JMY: variants seen among roughly 807,000 people sequenced by gnomAD.
JMY encodes junction-mediating and -regulatory protein.
In JMY, 46 loss-of-function variants were observed where a neutral mutation model predicts 103.3. That is an observed-to-expected ratio of 0.45 (90% confidence interval 0.35 to 0.57). JMY has a LOEUF of 0.57. Among genes scored for constraint, JMY ranks in the 20% least tolerant of loss-of-function variants. The probability of loss-of-function intolerance (pLI) is 0.00; values close to 1 mark genes in which losing one functional copy is unlikely to be tolerated. For missense variants in JMY, 1,238 were observed against 1,255.2 expected (o/e 0.99, Z 0.21); for synonymous variants, 526 against 489.3 (o/e 1.07, Z -0.99).
intron 1 of JMY, among the ~76,000 whole-genome samples, chr5:79,239,420 T>C (rs1168376857): frequency 1.3e-5 from 2 of 152,230 alleles, no homozygotes; most frequent in Non-Finnish European, 2.9e-5. Flanking sequence ...CTTTCTCTTA[T>C]TAGATTTACA....
In JMY at chr5:79,291,156, C is replaced by G. The variant is rs1339554015; in HGVS notation, c.1384C>G (p.Gln462Glu). The G allele has an allele frequency of 6.2e-7, 1 of 1,607,894 alleles. No homozygotes were observed. Among genetic ancestry groups the G allele is most frequent in the Non-Finnish European group, 8.5e-7 (1 of 1,178,244 alleles). ...KAVYDRMRAD[Q>E]KKFGKASWAA... ...TGTGTATGATCGAATGCGAGCTGAT[C>G]AGAAGAAATTTGGTAAAGCATCATG... is the stretch of plus-strand genomic sequence containing the variant. Residue 462 changes from glutamine to glutamate, a missense_variant, in exon 4 of 11, where the codon CAG becomes GAG. By Grantham distance (29) the Gln-to-Glu change is conservative (BLOSUM62 2). Transcript: ENST00000396137.
rs903653095 is a variant in JMY, at chr5:79,314,828, C to T, written c.2636C>T (p.Ala879Val). Residue 879 changes from alanine (A) to valine (V), a missense_variant, in exon 9 of 11, where the codon GCT becomes GTT. Transcript: ENST00000396137. ...VSARKKLRKT[A>V]EGLQRRRVSS... ...GCACGGAAGAAGCTCAGAAAGACTG[C>T]TGAAGGTTTGCAGAGGAGGAGAGGT... 1 of 1,582,400 alleles carries T rather than the reference C, an allele frequency of 6.3e-7. No individual in the cohort carries two copies. The highest frequency in any genetic ancestry group is 1.8e-5 in the Admixed American group (1 of 55,200).
chr5:79,250,939 C>T (rs532763482), intron 1 of JMY, among the ~76,000 whole-genome samples: 1 of 151,956 alleles, frequency 6.6e-6, no homozygotes, highest in South Asian at 2.1e-4. Context: ...TTAAATGTGC[C>T]TTTAGGGTAC....
chr5:79,307,010 T>C (rs2112112959), intron 7 of JMY, among the ~76,000 whole-genome samples: 1 of 152,356 alleles, frequency 6.6e-6, no homozygotes, highest in East Asian at 1.9e-4. Flanking sequence ...AATGATACAG[T>C]ATGTAACCTA....
Position 79,267,372 on chromosome 5 carries a change from G to A in JMY, c.1033-10538G>A, listed in dbSNP as rs571006471. Reference sequence around the variant, plus strand: ...CCCTGGGCCCCATCTGTTGATTGGAGTGCTCCATCTGTTCATTGGAGTGCT... The same window carrying A: ...CCCTGGGCCCCATCTGTTGATTGGAATGCTCCATCTGTTCATTGGAGTGCT... On this transcript the variant is annotated intron_variant, in intron 1 of 10. Transcript: ENST00000396137. Among the ~76,000 whole-genome samples, 4 of 152,040 alleles carry A rather than the reference G, an allele frequency of 2.6e-5. No individual in the cohort carries two copies. In the South Asian group the frequency reaches 6.2e-4, roughly 24 times the overall value.
At chr5:79,260,338 T>G (rs905291323) in intron 1 of JMY, among the ~76,000 whole-genome samples, 16 of 152,170 alleles carry the variant, frequency 1.1e-4, no homozygotes, top group Non-Finnish European at 1.3e-4. Context: ...CTGCCACCAC[T>G]GCCGCTCCCA....
At chr5:79,268,155 A>G (rs1258045049) in intron 1 of JMY, among the ~76,000 whole-genome samples, 3 of 152,156 alleles carry the variant, frequency 2.0e-5, no homozygotes, top group Non-Finnish European at 4.4e-5. Context: ...CGGTGGGAAA[A>G]TCACTTGAGC....
In JMY at chr5:79,291,235, CTT is replaced by C; in HGVS notation, c.1465_1466del (p.Leu489AlafsTer6). ...CTCCAGTATGCAGTTTCTAAGGAAA[CTT>C]TGCAGATGATGAGAGCTAAAGAGAT... On this transcript the variant is annotated frameshift_variant, in exon 4 of 11. Coordinates refer to ENST00000396137, the MANE Select transcript of JMY (RefSeq NM_152405.5). LOFTEE classifies it high-confidence loss of function. The C allele has an allele frequency of 6.2e-7, 1 of 1,613,180 alleles. No homozygotes were observed. The highest frequency in any genetic ancestry group is 2.2e-5 in the East Asian group (1 of 44,860).
intron 1 of JMY, among the ~76,000 whole-genome samples, chr5:79,249,348 A>G (rs906949198): frequency 6.6e-6 from 1 of 152,204 alleles, no homozygotes; most frequent in African/African-American, 2.4e-5. Flanking sequence ...GAGTAGCAGT[A>G]TTTACACTTG....
intron 1 of JMY, among the ~76,000 whole-genome samples, chr5:79,271,308 A>G (rs1561298355): frequency 1.3e-5 from 2 of 151,988 alleles, no homozygotes; most frequent in Non-Finnish European, 2.9e-5. Context: ...CTGGGGTTAC[A>G]GGTGCAATCC....
intron 4 of JMY, among the ~76,000 whole-genome samples, chr5:79,299,384 A>G (rs368110303): frequency 1.3e-5 from 2 of 152,266 alleles, no homozygotes; most frequent in East Asian, 1.9e-4. Context: ...AGCCATAGAA[A>G]TAGTAGGGTT....
Position 79,316,236 on chromosome 5 carries a change from A to G in JMY, c.2896A>G (p.Arg966Gly), listed in dbSNP as rs1452935350. 6.2e-7 allele frequency: 1 copy of G among 1,614,000 alleles called. No homozygotes were observed. Among genetic ancestry groups the G allele is most frequent in the Non-Finnish European group, 8.5e-7 (1 of 1,180,006 alleles). The change falls in exon 10 of 11, where the codon AGA becomes GGA. Residue 966 changes from arginine (R) to glycine (G), a missense_variant. Physicochemically the swap from Arg to Gly is moderately radical, Grantham distance 125. Transcript: ENST00000396137. ...LTRSIHEALR[R>G]IKEASPESED... Reference sequence around the variant, plus strand: ...ACGGAGCATCCATGAAGCTCTTAGAAGAATTAAAGAAGCATCCCCAGAGTC... The same window carrying G: ...ACGGAGCATCCATGAAGCTCTTAGAGGAATTAAAGAAGCATCCCCAGAGTC...
chr5:79,319,105 T>C (rs888684621), intron 10 of JMY, among the ~76,000 whole-genome samples: 27 of 152,308 alleles, frequency 1.8e-4, no homozygotes, highest in African/African-American at 6.5e-4. Context: ...TCCTTGTCTG[T>C]CTCCTCCCAT....
At chr5:79,318,007 A>G (rs1334182788) in intron 10 of JMY, among the ~76,000 whole-genome samples, 1 of 152,174 alleles carries the variant, frequency 6.6e-6, no homozygotes, top group Non-Finnish European at 1.5e-5. Context: ...CAACAAAGAA[A>G]AAAAATCTTT....
chr5:79,312,643 A>T, intron 8 of JMY, 145 bp downstream of exon 8: 2 of 420,720 alleles, frequency 4.8e-6, no homozygotes. Flanking sequence ...TCCTTTTTAA[A>T]ATTGTTTTAA....
In JMY at chr5:79,323,493, A is replaced by T. The variant is rs1747530141; in HGVS notation, c.*1891A>T. ...TTCTTAACCCAAAGAGTGATTGGTT[A>T]TATGAATATATTTGAAAAAGTTAAA... On this transcript the variant is annotated 3_prime_UTR_variant, in exon 11 of 11. Transcript: ENST00000396137. 6.6e-6 allele frequency: 1 copy of T among 152,234 alleles called. No homozygotes were observed. Among genetic ancestry groups the T allele is most frequent in the South Asian group, 2.1e-4 (1 of 4,828 alleles). The allele number at this position is 152,234 out of a possible 1,614,324, so 9.4% of individuals were successfully genotyped here.
chr5:79,313,325 G>A (rs1305268161), intron 8 of JMY, among the ~76,000 whole-genome samples: 1 of 152,066 alleles, frequency 6.6e-6, no homozygotes, highest in African/African-American at 2.4e-5. Flanking sequence ...TGGCTGAAGT[G>A]GGAGGATTAC....
Position 79,326,625 on chromosome 5 carries a change from TGGAA to T in JMY, c.*5026_*5029del, listed in dbSNP as rs1160472286. On this transcript the variant is annotated 3_prime_UTR_variant, in exon 11 of 11. Coordinates refer to ENST00000396137, the MANE Select transcript of JMY (RefSeq NM_152405.5). The stretch of plus-strand genomic sequence containing the variant: ...ACTATAATATGTAGTTAATGAAAAA[TGGAA>T]GGCTGCAGATTATTTTGCATGAATA... 6.6e-6 allele frequency: 1 copy of T among 152,158 alleles called. No homozygotes were observed. Among genetic ancestry groups the T allele is most frequent in the African/African-American group, 2.4e-5 (1 of 41,456 alleles). The allele number at this position is 152,158 out of a possible 1,614,324, so 9.4% of individuals were successfully genotyped here.
intron 2 of JMY, among the ~76,000 whole-genome samples, chr5:79,280,329 A>G (rs1236475045): frequency 6.6e-6 from 1 of 152,168 alleles, no homozygotes; most frequent in African/African-American, 2.4e-5. Flanking sequence ...ACATAATTAT[A>G]TCATGATTTG....
Sources: gnomAD v4.1 joint callset for allele counts (sites outside exome capture counted in the v4.1 genomes callset) on GRCh38, gnomAD v4.1.1 for gene constraint, MANE v1.5 for transcripts, NCBI Gene and HGNC (gene_info 2026-07-23, HGNC 2026-07-21) for gene names.